Variants in PLCB1 observed in about 807,000 individuals in gnomAD.
PLCB1 encodes the protein 1-phosphatidylinositol 4,5-bisphosphate phosphodiesterase beta-1.
Under a neutral mutation model 161.8 loss-of-function variants are expected in PLCB1, and 46 were observed. The observed-to-expected ratio is 0.28, with a 90% confidence interval of 0.22 to 0.36. The LOEUF is 0.36. Ranked by LOEUF, PLCB1 falls within the 10% of genes least tolerant of loss-of-function variation. The pLI is 1.00. For missense variants in PLCB1, 1,016 were observed against 1,472.5 expected (o/e 0.69, Z 5.07); for synonymous variants, 517 against 503.7 (o/e 1.03, Z -0.35).
chr20:8,644,587 C>G (rs1353832479), intron 4 of PLCB1, among the ~76,000 whole-genome samples: 1 of 149,924 alleles, frequency 6.7e-6, no homozygotes, highest in Non-Finnish European at 1.5e-5. Context: ...AGTGAGGAGC[C>G]CCTCCGCCTG....
At position 8,357,727 on chromosome 20, in the gene PLCB1, C is replaced by G. The variant is rs544470786; in HGVS notation, c.178-13655C>G. ...CTGGATTTGAAGGAAGAAAAGGATT[C>G]AAAGAAATTCTGCCCTGCGTTCTGC... On this transcript the variant is annotated intron_variant, in intron 2 of 31. Coordinates refer to ENST00000338037, the MANE Select transcript of PLCB1 (RefSeq NM_015192.4). 2.6e-5 allele frequency among the ~76,000 whole-genome samples: 4 copies of G among 152,228 alleles called. No individual in the cohort carries two copies. In the South Asian group the frequency reaches 8.3e-4, roughly 32 times the overall value.
chr20:8,256,123 T>A (rs558562933), intron 2 of PLCB1, among the ~76,000 whole-genome samples: 14 of 152,210 alleles, frequency 9.2e-5, no homozygotes, highest in African/African-American at 3.4e-4. Flanking sequence ...TAAGGACACA[T>A]TTCTCAGAAA....
intron 2 of PLCB1, among the ~76,000 whole-genome samples, chr20:8,332,390 C>T (rs887397232): frequency 3.3e-5 from 5 of 152,202 alleles, no homozygotes; most frequent in African/African-American, 1.2e-4. Flanking sequence ...TCCCAAAATA[C>T]ATAGAATTTC....
chr20:8,799,490 A>AT (rs1245895958), intron 31 of PLCB1, among the ~76,000 whole-genome samples: 9 of 152,238 alleles, frequency 5.9e-5, no homozygotes, highest in African/African-American at 2.2e-4. Context: ...TACTCATTAG[A>AT]TTTTTTTAAT....
chr20:8,240,311 C>T (rs1401225552), intron 2 of PLCB1, among the ~76,000 whole-genome samples: 3 of 151,866 alleles, frequency 2.0e-5, no homozygotes, highest in Non-Finnish European at 2.9e-5. Context: ...CACACGCACA[C>T]ACACACACAT....
rs552786667 is a variant in PLCB1 at position 8,604,104 on chromosome 20, TTAGC to T, written c.247-24186_247-24183del. On this transcript the variant is annotated intron_variant, in intron 3 of 31. Coordinates refer to ENST00000338037, the MANE Select transcript of PLCB1 (RefSeq NM_015192.4). ...TCTGTCTCTATTGAAAACACAAAAATTAGCTAGGTATGGTGGCATGTGCCTGTAA... is the reference window on the plus strand; with the variant it reads ...TCTGTCTCTATTGAAAACACAAAAATTAGGTATGGTGGCATGTGCCTGTAA... Among the ~76,000 whole-genome samples the T allele has an allele frequency of 4.9e-4, 75 of 152,006 alleles. No individual in the cohort carries two copies. In the Middle Eastern group the frequency reaches 0.01, roughly 21 times the overall value.
chr20:8,820,830 T>G (rs1985308998), intron 31 of PLCB1, among the ~76,000 whole-genome samples: 2 of 152,178 alleles, frequency 1.3e-5, no homozygotes, highest in Non-Finnish European at 2.9e-5. Context: ...CATAACAACT[T>G]GGATAAATTT....
intron 3 of PLCB1, among the ~76,000 whole-genome samples, chr20:8,413,482 C>T (rs1340429079): frequency 1.3e-5 from 2 of 152,192 alleles, no homozygotes; most frequent in Non-Finnish European, 2.9e-5. Context: ...TCTGCTTCCA[C>T]CAGCAGTTTT....
intron 12 of PLCB1, among the ~76,000 whole-genome samples, chr20:8,713,456 T>A (rs1030125407): frequency 2.6e-5 from 4 of 152,278 alleles, no homozygotes; most frequent in African/African-American, 9.6e-5. Context: ...GGGCTGGGAT[T>A]ACAGACGTGA....
intron 2 of PLCB1, among the ~76,000 whole-genome samples, chr20:8,357,402 G>T (rs1462228945): frequency 6.6e-6 from 1 of 152,168 alleles, no homozygotes; most frequent in Non-Finnish European, 1.5e-5. Flanking sequence ...ACAGACCAGG[G>T]AGGTAATATT....
intron 23 of PLCB1, among the ~76,000 whole-genome samples, chr20:8,742,088 G>GAT (rs1417219925): frequency 1.3e-4 from 19 of 152,000 alleles, no homozygotes; most frequent in Non-Finnish European, 2.6e-4. Flanking sequence ...GCAAATAATT[G>GAT]ATATATTATT....
At chr20:8,209,975 C>T (rs192728123) in intron 2 of PLCB1, among the ~76,000 whole-genome samples, 1 of 152,184 alleles carries the variant, frequency 6.6e-6, no homozygotes, top group East Asian at 1.9e-4. Context: ...GCAGCTAAGG[C>T]CACAGGCTTG....
chr20:8,492,287 T>G (rs1173286340), intron 3 of PLCB1, among the ~76,000 whole-genome samples: 4 of 152,172 alleles, frequency 2.6e-5, no homozygotes, highest in Non-Finnish European at 5.9e-5. Context: ...ATAGCCCTTC[T>G]GACTTGTAAA....
intron 3 of PLCB1, among the ~76,000 whole-genome samples, chr20:8,482,761 A>G (rs1037557378): frequency 6.6e-6 from 1 of 152,210 alleles, no homozygotes; most frequent in African/African-American, 2.4e-5. Flanking sequence ...CTGCTTGCCA[A>G]GTGGAGTGAG....
At chr20:8,711,918 T>C (rs2123458032) in intron 12 of PLCB1, among the ~76,000 whole-genome samples, 1 of 152,310 alleles carries the variant, frequency 6.6e-6, no homozygotes, top group South Asian at 2.1e-4. Flanking sequence ...CTATTTTATT[T>C]CCCTGTGTGC....
At chr20:8,656,803 A>C (rs1265713359) in intron 7 of PLCB1, among the ~76,000 whole-genome samples, 3 of 148,808 alleles carry the variant, frequency 2.0e-5, no homozygotes, top group East Asian at 2.0e-4. Context: ...AAAAAAAAAA[A>C]CCTAAAAATA....
In PLCB1 at chr20:8,408,538, C is replaced by T. The variant is rs1241811348; in HGVS notation, c.246+37088C>T. Among the ~76,000 whole-genome samples the T allele has an allele frequency of 2.0e-5, 3 of 151,526 alleles. No individual in the cohort carries two copies. The East Asian group carries it at 5.8e-4, about 29-fold the overall frequency. On this transcript the variant is annotated intron_variant, in intron 3 of 31. Coordinates refer to ENST00000338037, the MANE Select transcript of PLCB1 (RefSeq NM_015192.4). The stretch of plus-strand genomic sequence containing the variant: ...TTTAAAAAAAAAAATCAGATTATGG[C>T]GACATAAATATTAGACATCCCTTAG...
At chr20:8,761,420 T>C (rs1420167312) in intron 25 of PLCB1, among the ~76,000 whole-genome samples, 2 of 152,250 alleles carry the variant, frequency 1.3e-5, no homozygotes, top group Non-Finnish European at 2.9e-5. Context: ...TTATGATTTA[T>C]GCACTTTGAT....
chr20:8,544,496 C>T lies in PLCB1; in HGVS notation c.247-83798C>T, dbSNP rs561378552. Among the ~76,000 whole-genome samples, 3 of 152,318 alleles carry T rather than the reference C, an allele frequency of 2.0e-5. No homozygotes were observed. In the East Asian group the frequency reaches 5.8e-4, roughly 29 times the overall value. ...GTTCTTGGGAATACAATTTTCTTCTCTTTCAAGTGGCAATCAGAGCACCTG... is the reference window on the plus strand; with the variant it reads ...GTTCTTGGGAATACAATTTTCTTCTTTTTCAAGTGGCAATCAGAGCACCTG... On this transcript the variant is annotated intron_variant, in intron 3 of 31. Transcript: ENST00000338037.
Sources: gnomAD v4.1 joint callset for allele counts (sites outside exome capture counted in the v4.1 genomes callset) on GRCh38, gnomAD v4.1.1 for gene constraint, MANE v1.5 for transcripts, NCBI Gene and HGNC (gene_info 2026-07-23, HGNC 2026-07-21) for gene names.